The following KPNA4 variants were observed in gnomAD, a reference collection of about 807,000 sequenced individuals.
KPNA4 encodes karyopherin subunit alpha 4.
KPNA4 carries 13 observed loss-of-function variants against 71.3 expected under a neutral mutation model. The observed-to-expected ratio is 0.18, with a 90% CI of 0.12 to 0.29. The LOEUF is 0.29. KPNA4 is among the 10% of genes least tolerant of loss of function. KPNA4 has a pLI of 1.00. For missense variants in KPNA4, 334 were observed against 603.2 expected (o/e 0.55, Z 4.67); for synonymous variants, 189 against 195.2 (o/e 0.97, Z 0.26).
In KPNA4 at chr3:160,502,092, CACA is replaced by C; in HGVS notation, c.*9_*11del. On this transcript the variant is annotated 3_prime_UTR_variant, in exon 17 of 17. Coordinates refer to ENST00000334256, the MANE Select transcript of KPNA4 (RefSeq NM_002268.5). ...TCAGTGCTGCATTGTACCTAACTTCCACAACATCTTTCTAAAACTGGAACCCTT... is the reference window on the plus strand; with the variant it reads ...TCAGTGCTGCATTGTACCTAACTTCCACATCTTTCTAAAACTGGAACCCTT... 6.8e-7 allele frequency: 1 copy of C among 1,473,632 alleles called. No homozygotes were observed. The highest frequency in any genetic ancestry group is 9.4e-7 in the Non-Finnish European group (1 of 1,066,770). 91.3% of individuals were successfully genotyped at this position (1,473,632 alleles called of 1,614,324 possible). A position where few individuals can be genotyped will look rare whatever the true frequency, so the allele number is the denominator to read the frequency against.
At position 160,497,325 on chromosome 3, in the gene KPNA4, T is replaced by C. The variant is rs534398952; in HGVS notation, c.*4779A>G. The C allele has an allele frequency of 2.0e-5, 3 of 152,304 alleles. No individual in the cohort carries two copies. The highest frequency in any genetic ancestry group is 6.5e-5 in the Admixed American group (1 of 15,284). 9.4% of individuals were successfully genotyped at this position (152,304 alleles called of 1,614,324 possible). A position where few individuals can be genotyped will look rare whatever the true frequency, so the allele number is the denominator to read the frequency against. On this transcript the variant is annotated 3_prime_UTR_variant, in exon 17 of 17. Transcript: ENST00000334256. ...AGCTACTCAGGAGGCTGAGGCAGAA[T>C]TGCTTGAACCCTTGAGGCAGAGGTT...
At chr3:160,515,633 G>A (rs1477413238) in intron 11 of KPNA4, 53 bp from the exon 12 acceptor site, 2 of 1,346,648 alleles carry the variant, frequency 1.5e-6, no homozygotes, top group South Asian at 2.5e-5. Context: ...TTTTTTTTTT[G>A]AGACAAGGTC....
chr3:160,498,290 G>A lies in KPNA4; in HGVS notation c.*3814C>T, dbSNP rs143452446. 1 of 152,188 alleles carries A rather than the reference G, an allele frequency of 6.6e-6. No individual in the cohort carries two copies. Among genetic ancestry groups the A allele is most frequent in the Admixed American group, 6.5e-5 (1 of 15,272 alleles). The allele number at this position is 152,188 out of a possible 1,614,324, so 9.4% of individuals were successfully genotyped here. A position where few individuals can be genotyped will look rare whatever the true frequency, so the allele number is the denominator to read the frequency against. On this transcript the variant is annotated 3_prime_UTR_variant, in exon 17 of 17. Transcript: ENST00000334256. ...AGAGGCAACCTTGATCCCCAAATAA[G>A]CTTGCTATGATAACTATATAAGGCT...
intron 11 of KPNA4, among the ~76,000 whole-genome samples, chr3:160,518,431 G>C (rs1396189382): frequency 6.7e-6 from 1 of 149,784 alleles, no homozygotes; most frequent in African/African-American, 2.5e-5. Context: ...CACCGCGCCC[G>C]GCCTATTCTG....
chr3:160,525,594 T>C (rs1345843331), intron 10 of KPNA4, among the ~76,000 whole-genome samples: 1 of 152,174 alleles, frequency 6.6e-6, no homozygotes, highest in Non-Finnish European at 1.5e-5. Flanking sequence ...TTAACTGGTA[T>C]TATATTTTGT....
intron 8 of KPNA4, 37 bp from the exon 9 acceptor site, chr3:160,526,144 T>C (rs1721455997): frequency 7.1e-7 from 1 of 1,408,118 alleles, no homozygotes. Context: ...CAATAAAACA[T>C]ACTGACAGTA....
At chr3:160,541,621 T>C (rs1037996822) in intron 1 of KPNA4, among the ~76,000 whole-genome samples, 53 of 149,764 alleles carry the variant, frequency 3.5e-4, no homozygotes, top group African/African-American at 1.3e-3. Context: ...TGAGAGGTAA[T>C]AAAGCGGTTT....
rs565552038 is a variant in KPNA4 at position 160,565,208 on chromosome 3, G to C, written c.69+6C>G. On this transcript the variant is annotated splice_donor_region_variant and intron_variant, in intron 1 of 16. Transcript: ENST00000334256. ...CCCACCCCTCCGGCGTCGTCCCCGA[G>C]TTTACCTCCAAGTCGCGGCCTTTGT... 1.8e-4 allele frequency: 288 copies of C among 1,606,134 alleles called. 2 individuals carry two copies. The Admixed American group carries it at 4.8e-3, about 27-fold the overall frequency.
rs530368349 is a variant in KPNA4, at chr3:160,559,229, C to T, written c.69+5985G>A. On this transcript the variant is annotated intron_variant, in intron 1 of 16. Coordinates refer to ENST00000334256, the MANE Select transcript of KPNA4 (RefSeq NM_002268.5). ...CGATAACCATTTATAGCATTTATTG[C>T]TAATGATAAAATTTCAGCTTCCTCT... Among the ~76,000 whole-genome samples, 7 of 152,132 alleles carry T rather than the reference C, an allele frequency of 4.6e-5. No individual in the cohort carries two copies. The South Asian group carries it at 1.5e-3, about 32-fold the overall frequency.
chr3:160,539,418 T>A (rs952855349), intron 1 of KPNA4, among the ~76,000 whole-genome samples: 4 of 152,190 alleles, frequency 2.6e-5, no homozygotes, highest in African/African-American at 9.6e-5. Flanking sequence ...TATTTCTTTT[T>A]AAAAATAAGA....
intron 1 of KPNA4, among the ~76,000 whole-genome samples, chr3:160,557,956 A>AACCTCT: frequency 6.6e-6 from 1 of 152,354 alleles, no homozygotes; most frequent in African/African-American, 2.4e-5. Flanking sequence ...CAATAGGATT[A>AACCTCT]CAGGCATGAG....
At chr3:160,536,769 G>T in intron 2 of KPNA4, 27 bp downstream of exon 2, 6 of 1,437,650 alleles carry the variant, frequency 4.2e-6, no homozygotes, top group Non-Finnish European at 5.8e-6. Context: ...ATTATGCTTA[G>T]AAGTACCCAA....
rs1450893397 is a variant in KPNA4, at chr3:160,496,807, T to C, written c.*5297A>G. ...AGATCATAAAGAATCTGTAGAACCA[T>C]TTACTTTTCCTCACAGTCAACTGCT... is the stretch of plus-strand genomic sequence containing the variant. On this transcript the variant is annotated 3_prime_UTR_variant, in exon 17 of 17. Transcript: ENST00000334256. 1.3e-5 allele frequency: 2 copies of C among 152,168 alleles called. No homozygotes were observed. The highest frequency in any genetic ancestry group is 2.4e-5 in the African/African-American group (1 of 41,440). The allele number at this position is 152,168 out of a possible 1,614,324, so 9.4% of individuals were successfully genotyped here.
intron 1 of KPNA4, among the ~76,000 whole-genome samples, chr3:160,542,864 TTAAAA>T (rs1375278866): frequency 6.6e-6 from 1 of 152,210 alleles, no homozygotes; most frequent in Non-Finnish European, 1.5e-5. Context: ...ATTCCATACT[TTAAAA>T]TGATCCATAT....
intron 1 of KPNA4, among the ~76,000 whole-genome samples, chr3:160,561,735 C>T (rs1195137056): frequency 6.6e-6 from 1 of 151,976 alleles, no homozygotes; most frequent in Non-Finnish European, 1.5e-5. Context: ...TAAAACCTTT[C>T]CCTATTACTT....
chr3:160,504,287 T>G (rs1226569694), intron 16 of KPNA4, among the ~76,000 whole-genome samples: 1 of 152,188 alleles, frequency 6.6e-6, no homozygotes, highest in Non-Finnish European at 1.5e-5. Context: ...TGGAAAGGCA[T>G]GCAGTAAAAG....
intron 15 of KPNA4, among the ~76,000 whole-genome samples, chr3:160,507,499 CAAAAAAA>C (rs57528939): frequency 1.8e-3 from 89 of 49,458 alleles, no homozygotes; most frequent in Non-Finnish European, 3.3e-3. Flanking sequence ...GACACTGTCT[CAAAAAAA>C]AAAAAAAAAA....
intron 1 of KPNA4, among the ~76,000 whole-genome samples, chr3:160,547,810 A>G (rs765688687): frequency 1.3e-5 from 2 of 152,192 alleles, no homozygotes; most frequent in Non-Finnish European, 2.9e-5. Flanking sequence ...TTGGAAGTAT[A>G]GAGTATACAG....
intron 11 of KPNA4, among the ~76,000 whole-genome samples, chr3:160,516,548 G>A (rs2108546813): frequency 6.6e-6 from 1 of 152,188 alleles, no homozygotes; most frequent in South Asian, 2.1e-4. Context: ...GGAAGGCTGA[G>A]GTGGGTGGAA....
Sources: allele counts gnomAD v4.1 joint callset (sites outside exome capture counted in the v4.1 genomes callset), GRCh38; gene constraint gnomAD v4.1.1; transcripts MANE v1.5; gene names NCBI Gene and HGNC (gene_info 2026-07-23, HGNC 2026-07-21).